Variants in ARHGAP15 observed in about 807,000 individuals in gnomAD.
ARHGAP15 encodes the protein rho GTPase-activating protein 15.
In ARHGAP15, 51 loss-of-function variants were observed where a neutral mutation model predicts 63.7. The ratio of observed to expected loss-of-function variants is 0.80; its 90% confidence interval spans 0.64 to 1.01. The LOEUF is 1.01. ARHGAP15 is among the 50% of genes least tolerant of loss of function. The pLI is 0.00. For synonymous variants in ARHGAP15, 191 were observed against 193.8 expected (o/e 0.99, Z 0.12); for missense variants, 560 against 564.6 (o/e 0.99, Z 0.08).
intron 6 of ARHGAP15, chr2:143,351,485 A>C (rs1685570809): frequency 6.6e-6 from 1 of 152,208 alleles, no homozygotes; most frequent in Admixed American, 6.5e-5. Flanking sequence ...TTCCACCTTC[A>C]TTAAGCAAAA....
chr2:143,485,750 T>C (rs1692296126), intron 8 of ARHGAP15, among the ~76,000 whole-genome samples: 1 of 152,168 alleles, frequency 6.6e-6, no homozygotes, highest in African/African-American at 2.4e-5. Flanking sequence ...AGGACAGGCC[T>C]CTACAACAAA....
intron 10 of ARHGAP15, among the ~76,000 whole-genome samples, chr2:143,548,753 T>C (rs1015192661): frequency 6.6e-6 from 1 of 151,678 alleles, no homozygotes; most frequent in Non-Finnish European, 1.5e-5. Context: ...AAAGGAAAAA[T>C]TGAAGGTATT....
rs530119571 is a variant in ARHGAP15 at position 143,205,445 on chromosome 2, T to C, written c.234+3243T>C. Among the ~76,000 whole-genome samples the C allele has an allele frequency of 3.9e-5, 6 of 152,288 alleles. No individual in the cohort carries two copies. In the East Asian group the frequency reaches 9.7e-4, roughly 24 times the overall value. On this transcript the variant is annotated intron_variant, in intron 3 of 13. Transcript: ENST00000295095. ...TTTAGTTCTATGAGGGCAAGGACAC[T>C]GTCTCCTGTGTTCATTACTTCATTC...
At chr2:143,538,560 A>G (rs1200682569) in intron 10 of ARHGAP15, among the ~76,000 whole-genome samples, 1 of 152,186 alleles carries the variant, frequency 6.6e-6, no homozygotes, top group Non-Finnish European at 1.5e-5. Flanking sequence ...TCCCATCAAT[A>G]CCTAATTTAT....
At chr2:143,748,548 A>G (rs1686253502) in intron 13 of ARHGAP15, among the ~76,000 whole-genome samples, 1 of 152,190 alleles carries the variant, frequency 6.6e-6, no homozygotes, top group Non-Finnish European at 1.5e-5. Flanking sequence ...TAATCACAAT[A>G]TCTTTCAGTC....
At chr2:143,697,242 A>G (rs1683891626) in intron 12 of ARHGAP15, among the ~76,000 whole-genome samples, 1 of 152,192 alleles carries the variant, frequency 6.6e-6, no homozygotes, top group African/African-American at 2.4e-5. Flanking sequence ...CTAAATAGTA[A>G]AAGTATGACT....
intron 6 of ARHGAP15, among the ~76,000 whole-genome samples, chr2:143,388,808 A>G (rs568133755): frequency 6.6e-6 from 1 of 152,294 alleles, no homozygotes; most frequent in East Asian, 1.9e-4. Context: ...AGTAACAATC[A>G]GAATCTTCAC....
At chr2:143,712,633 A>C (rs182574334) in intron 13 of ARHGAP15, among the ~76,000 whole-genome samples, 5 of 152,332 alleles carry the variant, frequency 3.3e-5, no homozygotes, top group Admixed American at 3.3e-4. Flanking sequence ...AAGGAGTCTG[A>C]GAATGGCACG....
chr2:143,520,738 A>T (rs1288047600), intron 10 of ARHGAP15, among the ~76,000 whole-genome samples: 4 of 152,198 alleles, frequency 2.6e-5, no homozygotes, highest in African/African-American at 9.6e-5. Flanking sequence ...ATTTCCAATA[A>T]CTAAATTGTC....
At chr2:143,676,143 C>G (rs1682814839) in intron 12 of ARHGAP15, 1 of 158,754 alleles carries the variant, frequency 6.3e-6, no homozygotes, top group South Asian at 2.0e-4. Context: ...TCTTCTGCAA[C>G]TTTCTCACCT....
chr2:143,389,285 T>C lies in ARHGAP15; in HGVS notation c.475-46316T>C, dbSNP rs537225051. Among the ~76,000 whole-genome samples, 5 of 152,258 alleles carry C rather than the reference T, an allele frequency of 3.3e-5. No individual in the cohort carries two copies. The South Asian group carries it at 1.0e-3, about 32-fold the overall frequency. Reference sequence around the variant, plus strand: ...TGTGATTATGAGGTGTGTGGCGTTATATCCATCTCTGTAATACTTGACTCT... The same window carrying C: ...TGTGATTATGAGGTGTGTGGCGTTACATCCATCTCTGTAATACTTGACTCT... On this transcript the variant is annotated intron_variant, in intron 6 of 13. Transcript: ENST00000295095.
intron 10 of ARHGAP15, among the ~76,000 whole-genome samples, chr2:143,546,368 A>G (rs1039915142): frequency 4.6e-5 from 7 of 152,162 alleles, no homozygotes; most frequent in African/African-American, 1.7e-4. Flanking sequence ...CTTCATCCCA[A>G]AAGGATCCAT....
chr2:143,137,030 C>T (rs1689171856), intron 1 of ARHGAP15, among the ~76,000 whole-genome samples: 1 of 152,140 alleles, frequency 6.6e-6, no homozygotes, highest in East Asian at 1.9e-4. Context: ...ACAGAGTGGC[C>T]ATTTTAAGAG....
intron 12 of ARHGAP15, among the ~76,000 whole-genome samples, chr2:143,688,488 G>A (rs1683450776): frequency 6.6e-6 from 1 of 152,138 alleles, no homozygotes; most frequent in African/African-American, 2.4e-5. Context: ...GAGCTAAGTG[G>A]AAGCCAGAGA....
At chr2:143,479,630 C>G (rs1691981098) in intron 8 of ARHGAP15, among the ~76,000 whole-genome samples, 1 of 151,958 alleles carries the variant, frequency 6.6e-6, no homozygotes, top group African/African-American at 2.4e-5. Context: ...TTGAACAGCT[C>G]TCAAGTGACA....
chr2:143,237,126 CTCAG>C (rs2104935614), intron 5 of ARHGAP15: 1 of 152,164 alleles, frequency 6.6e-6, no homozygotes, highest in East Asian at 1.9e-4. Context: ...TTAAGAGAGA[CTCAG>C]AGTTTTCAGA....
chr2:143,370,738 C>G (rs1686512925), intron 6 of ARHGAP15, among the ~76,000 whole-genome samples: 1 of 152,202 alleles, frequency 6.6e-6, no homozygotes, highest in South Asian at 2.1e-4. Context: ...GACTAGTATA[C>G]TTCATGATAC....
In ARHGAP15 at chr2:143,414,750, A is replaced by G. The variant is rs939695419; in HGVS notation, c.475-20851A>G. Among the ~76,000 whole-genome samples the G allele has an allele frequency of 5.3e-5, 8 of 152,288 alleles. 1 individual carries two copies. The highest frequency in any genetic ancestry group is 2.9e-5 in the Non-Finnish European group (2 of 68,016). ...GGAGTTTGAGACCAGCTTGGCTAAC[A>G]TGGTAAAACCCTGTCTCTTGTAAAA... is the stretch of plus-strand genomic sequence containing the variant. On this transcript the variant is annotated intron_variant, in intron 6 of 13. Transcript: ENST00000295095.
At chr2:143,389,278 G>T (rs1030801693) in intron 6 of ARHGAP15, among the ~76,000 whole-genome samples, 3 of 151,966 alleles carry the variant, frequency 2.0e-5, no homozygotes, top group Non-Finnish European at 4.4e-5. Context: ...TGAGGTGTGT[G>T]GCGTTATATC....
Sources: allele counts gnomAD v4.1 joint callset (sites outside exome capture counted in the v4.1 genomes callset), GRCh38; gene constraint gnomAD v4.1.1; transcripts MANE v1.5; gene names NCBI Gene and HGNC (gene_info 2026-07-23, HGNC 2026-07-21).